Variants in TMEM267 observed in about 807,000 individuals in gnomAD.
TMEM267 encodes the protein transmembrane protein C5orf28.
Under a neutral mutation model 19.3 loss-of-function variants are expected in TMEM267, and 20 were observed. The ratio of observed to expected loss-of-function variants is 1.04; its 90% CI spans 0.73 to 1.51. The LOEUF (loss-of-function observed/expected upper bound fraction) is 1.51. TMEM267 is among the 40% of genes most tolerant of loss of function. The probability of loss-of-function intolerance (pLI) is 0.00; values close to 1 mark genes in which losing one functional copy is unlikely to be tolerated. For missense variants in TMEM267, 242 were observed against 261.9 expected (o/e 0.92, Z 0.52); for synonymous variants, 88 against 90.3 (o/e 0.97, Z 0.15).
chr5:43,448,427 T>C (rs1055631131), intron 2 of TMEM267, among the ~76,000 whole-genome samples: 1 of 152,064 alleles, frequency 6.6e-6, no homozygotes, highest in Non-Finnish European at 1.5e-5. Context: ...TGAAATGAAG[T>C]GATAAAATAG....
intron 1 of TMEM267, among the ~76,000 whole-genome samples, chr5:43,475,732 G>C (rs914843851): frequency 2.0e-5 from 3 of 152,030 alleles, no homozygotes; most frequent in Admixed American, 6.5e-5. Context: ...AATTTAAGTT[G>C]AAAAATGTGG....
At chr5:43,465,895 G>C (rs2112130697) in intron 1 of TMEM267, among the ~76,000 whole-genome samples, 1 of 150,856 alleles carries the variant, frequency 6.6e-6, no homozygotes, top group Non-Finnish European at 1.5e-5. Flanking sequence ...CATGGCACAT[G>C]TATACATATG....
chr5:43,466,834 AAAGG>A (rs1561193701), intron 1 of TMEM267, among the ~76,000 whole-genome samples: 1 of 152,114 alleles, frequency 6.6e-6, no homozygotes. Context: ...CATTTTAACT[AAAGG>A]AAGACAGGAA....
chr5:43,458,916 C>T (rs1396753798), intron 1 of TMEM267, among the ~76,000 whole-genome samples: 1 of 150,888 alleles, frequency 6.6e-6, no homozygotes, highest in Non-Finnish European at 1.5e-5. Context: ...TTTTCCAAAG[C>T]TTAAGGGGAA....
chr5:43,482,416 A>C (rs1337351245), intron 1 of TMEM267, among the ~76,000 whole-genome samples: 1 of 152,012 alleles, frequency 6.6e-6, no homozygotes, highest in Non-Finnish European at 1.5e-5. Context: ...TTCTTCTTAA[A>C]CTTTTTATTT....
chr5:43,465,743 G>A (rs1743618503), intron 1 of TMEM267, among the ~76,000 whole-genome samples: 1 of 152,064 alleles, frequency 6.6e-6, no homozygotes, highest in African/African-American at 2.4e-5. Flanking sequence ...TCATAGGTGG[G>A]AACTGAACAA....
chr5:43,469,783 A>C (rs1743953382), intron 1 of TMEM267, among the ~76,000 whole-genome samples: 1 of 152,212 alleles, frequency 6.6e-6, no homozygotes, highest in Non-Finnish European at 1.5e-5. Flanking sequence ...AAAGATAAAA[A>C]GCTACATACC....
At chr5:43,463,801 A>T (rs1743431591) in intron 1 of TMEM267, among the ~76,000 whole-genome samples, 1 of 152,234 alleles carries the variant, frequency 6.6e-6, no homozygotes, top group South Asian at 2.1e-4. Flanking sequence ...GATGGGATGT[A>T]TCTCCAAATA....
intron 1 of TMEM267, among the ~76,000 whole-genome samples, chr5:43,455,880 T>C (rs1280597735): frequency 4.6e-5 from 7 of 151,682 alleles, no homozygotes; most frequent in African/African-American, 1.7e-4. Context: ...GACAGAGTTT[T>C]ACTGGAGTGT....
chr5:43,476,512 T>TA (rs1302316254), intron 1 of TMEM267, among the ~76,000 whole-genome samples: 2 of 135,386 alleles, frequency 1.5e-5, no homozygotes, highest in African/African-American at 5.6e-5. Flanking sequence ...CCAGACCTTT[T>TA]TTTTTTTTTT....
intron 1 of TMEM267, among the ~76,000 whole-genome samples, chr5:43,464,886 A>G (rs2112123853): frequency 6.6e-6 from 1 of 152,380 alleles, no homozygotes; most frequent in South Asian, 2.1e-4. Flanking sequence ...CATTCAGGAC[A>G]CAGGCATGGG....
intron 1 of TMEM267, among the ~76,000 whole-genome samples, chr5:43,460,569 GA>G (rs1743200924): frequency 6.6e-6 from 1 of 151,782 alleles, no homozygotes; most frequent in Non-Finnish European, 1.5e-5. Context: ...ACAAAACACA[GA>G]AAAGCAAAAA....
At position 43,453,887 on chromosome 5, in the gene TMEM267, G is replaced by GC. The variant is rs1295016145; in HGVS notation, c.82dup (p.Ala28GlyfsTer7). On this transcript the variant is annotated frameshift_variant, in exon 2 of 3. Transcript: ENST00000397080. LOFTEE classifies it high-confidence loss of function. ...AAGTCTGTCAGCTACGAGGCAAAAT[G>GC]CCCCCAGACCAAGGCTGGAAATAAG... 1 of 1,614,020 alleles carries GC rather than the reference G, an allele frequency of 6.2e-7. No individual in the cohort carries two copies. Among genetic ancestry groups the GC allele is most frequent in the Non-Finnish European group, 8.5e-7 (1 of 1,179,984 alleles).
intron 1 of TMEM267, among the ~76,000 whole-genome samples, chr5:43,470,509 C>T (rs114510057): frequency 6.6e-6 from 1 of 152,166 alleles, no homozygotes; most frequent in Non-Finnish European, 1.5e-5. Context: ...GCAAGCTGTA[C>T]CCTGATCACT....
At chr5:43,454,985 T>C (rs1385696853) in intron 1 of TMEM267, among the ~76,000 whole-genome samples, 1 of 152,240 alleles carries the variant, frequency 6.6e-6, no homozygotes, top group Non-Finnish European at 1.5e-5. Context: ...TGATAATGAC[T>C]CAACTTCTAT....
chr5:43,473,575 A>G (rs1352930488), intron 1 of TMEM267, among the ~76,000 whole-genome samples: 1 of 152,184 alleles, frequency 6.6e-6, no homozygotes. Context: ...CTTCAAGGAG[A>G]GCTACAAACC....
chr5:43,465,967 T>TA (rs34057271), intron 1 of TMEM267, among the ~76,000 whole-genome samples: 91,454 of 149,024 alleles, frequency 0.61, 30,537 homozygotes, highest in African/African-American at 0.89. Context: ...TAATAAAATT[T>TA]AAAAAAAAGA....
intron 1 of TMEM267, among the ~76,000 whole-genome samples, chr5:43,477,355 G>A (rs374720138): frequency 3.3e-5 from 5 of 152,066 alleles, no homozygotes; most frequent in African/African-American, 7.2e-5. Flanking sequence ...TTGGGAGGCC[G>A]AGGTGGGCGG....
chr5:43,452,325 C>A (rs1436203951), intron 2 of TMEM267, among the ~76,000 whole-genome samples: 1 of 151,884 alleles, frequency 6.6e-6, no homozygotes, highest in Non-Finnish European at 1.5e-5. Context: ...GGCCATTATC[C>A]TTAGTGAAAT....
Sources: gnomAD v4.1 joint callset for allele counts (sites outside exome capture counted in the v4.1 genomes callset) on GRCh38, gnomAD v4.1.1 for gene constraint, MANE v1.5 for transcripts, NCBI Gene and HGNC (gene_info 2026-07-23, HGNC 2026-07-21) for gene names.